Variants in MAL2 observed in about 807,000 individuals in gnomAD.
The protein encoded by MAL2 is protein MAL2.
In MAL2, 17 loss-of-function variants were observed where a neutral mutation model predicts 18.1. The observed-to-expected ratio is 0.94, with a 90% confidence interval of 0.64 to 1.41. MAL2 has a LOEUF of 1.41. Ranked by LOEUF, MAL2 falls within the 40% of genes most tolerant of loss-of-function variation. The probability of loss-of-function intolerance (pLI) is 0.00; values close to 1 mark genes in which losing one functional copy is unlikely to be tolerated. For missense variants in MAL2, 222 were observed against 231.9 expected (o/e 0.96, Z 0.28); for synonymous variants, 102 against 102.3 (o/e 1.00, Z 0.02).
chr8:119,212,803 G>C (rs1006327374), intron 1 of MAL2, among the ~76,000 whole-genome samples: 1 of 152,208 alleles, frequency 6.6e-6, no homozygotes, highest in Non-Finnish European at 1.5e-5. Flanking sequence ...CGTTCTGTCA[G>C]TTGTGAGATT....
chr8:119,215,562 G>A (rs901381143), intron 1 of MAL2: 5 of 152,340 alleles, frequency 3.3e-5, no homozygotes, highest in Middle Eastern at 3.4e-3. Context: ...TGTAATTGCT[G>A]TGGAGAATAC....
rs938406884 is a variant in MAL2, at chr8:119,221,523, G to A, written c.133-64G>A. On this transcript the variant is annotated intron_variant, in intron 1 of 3. Transcript: ENST00000614891. The stretch of plus-strand genomic sequence containing the variant: ...GCAATGCTGAGGGTAATACAAGCAT[G>A]TTTAATTCTGTTGTGTGAAAGGTAT... 1.8e-5 allele frequency: 29 copies of A among 1,587,816 alleles called. No homozygotes were observed. The East Asian group carries it at 5.8e-4, about 32-fold the overall frequency.
chr8:119,231,406 T>C (rs11985660), intron 2 of MAL2, among the ~76,000 whole-genome samples: 2,176 of 152,330 alleles, frequency 0.014, 60 homozygotes, highest in African/African-American at 0.05. Context: ...ATGCTCTCCT[T>C]TGTAATATTG....
At chr8:119,236,759 A>G (rs910371005) in intron 2 of MAL2, among the ~76,000 whole-genome samples, 2 of 150,894 alleles carry the variant, frequency 1.3e-5, no homozygotes, top group Non-Finnish European at 2.9e-5. Flanking sequence ...ACAAAGACAC[A>G]ACATAGCAGA....
intron 2 of MAL2, among the ~76,000 whole-genome samples, chr8:119,222,669 A>C (rs1266709457): frequency 6.6e-6 from 1 of 151,936 alleles, no homozygotes; most frequent in Non-Finnish European, 1.5e-5. Flanking sequence ...CTCTACAAAA[A>C]CTACAAAAAA....
intron 2 of MAL2, among the ~76,000 whole-genome samples, chr8:119,235,451 C>G (rs1817862836): frequency 6.6e-6 from 1 of 151,896 alleles, no homozygotes; most frequent in Non-Finnish European, 1.5e-5. Flanking sequence ...CAGAGAATGC[C>G]ACAAAGATAC....
intron 2 of MAL2, among the ~76,000 whole-genome samples, chr8:119,228,195 A>T (rs1302249621): frequency 6.6e-6 from 1 of 151,796 alleles, no homozygotes; most frequent in East Asian, 1.9e-4. Context: ...CAAGATGGTA[A>T]CTCCTCTTCC....
chr8:119,221,498 G>C, intron 1 of MAL2, 89 bp from the exon 2 acceptor site: 1 of 1,489,786 alleles, frequency 6.7e-7, no homozygotes, highest in Middle Eastern at 1.8e-4. Flanking sequence ...GAAAATGAAG[G>C]CAATGCTGAG....
At chr8:119,223,072 TTTATA>T (rs1170205998) in intron 2 of MAL2, among the ~76,000 whole-genome samples, 1 of 152,204 alleles carries the variant, frequency 6.6e-6, no homozygotes, top group Non-Finnish European at 1.5e-5. Context: ...TCAGTCAGGC[TTTATA>T]TATATTCCTT....
At chr8:119,214,300 C>T (rs1361089659) in intron 1 of MAL2, among the ~76,000 whole-genome samples, 1 of 152,100 alleles carries the variant, frequency 6.6e-6, no homozygotes. Context: ...TAAATCTTGC[C>T]CAACATGTAA....
Position 119,208,602 on chromosome 8 carries a change from A to T in MAL2, c.130A>T (p.Ile44Phe). The stretch of plus-strand genomic sequence containing the variant: ...CTCGGGCGCCTTCGTCTGCCTGGAG[A>T]TTGTAAGTGGGGCCGCCGGAGCGAG... ...TYSGAFVCLE[I>F]LFGGLVWILV... Residue 44 changes from isoleucine to phenylalanine, a missense_variant and splice_region_variant, in exon 1 of 4, where the codon ATT (isoleucine) becomes TTT (phenylalanine). By Grantham distance (21) the Ile-to-Phe change is conservative. Coordinates refer to ENST00000614891, the MANE Select transcript of MAL2 (RefSeq NM_052886.3). This position sits in a 1 kb window ranked among gnomAD's most constrained non-coding sequence, Gnocchi z 4.3. 1.5e-6 allele frequency: 2 copies of T among 1,341,458 alleles called. No individual in the cohort carries two copies. Among genetic ancestry groups the T allele is most frequent in the Non-Finnish European group, 1.9e-6 (2 of 1,043,972 alleles). The allele number at this position is 1,341,458 out of a possible 1,614,324, so 83.1% of individuals were successfully genotyped here. A position where few individuals can be genotyped will look rare whatever the true frequency, so the allele number is the denominator to read the frequency against.
chr8:119,232,777 G>A (rs1049806660), intron 2 of MAL2, among the ~76,000 whole-genome samples: 7 of 152,054 alleles, frequency 4.6e-5, no homozygotes, highest in African/African-American at 1.4e-4. Context: ...TTTAAAGACA[G>A]CATATGTTAT....
At chr8:119,214,660 G>C (rs12677951) in intron 1 of MAL2, among the ~76,000 whole-genome samples, 31,856 of 152,126 alleles carry the variant, frequency 0.21, 4,128 homozygotes, top group East Asian at 0.57. Context: ...TCCATTTTAG[G>C]GTCGGTGTCA....
intron 2 of MAL2, among the ~76,000 whole-genome samples, chr8:119,225,706 C>T (rs1368675960): frequency 6.6e-6 from 1 of 152,160 alleles, no homozygotes; most frequent in African/African-American, 2.4e-5. Context: ...CTGACTTCCA[C>T]AATGGTTGAA....
intron 2 of MAL2, among the ~76,000 whole-genome samples, chr8:119,231,022 G>A (rs2470041): frequency 0.85 from 129,200 of 151,178 alleles, 57,184 homozygotes; most frequent in Non-Finnish European, 0.97. Context: ...TGTGAGAACA[G>A]TTTTTTTTTT....
chr8:119,237,388 C>G (rs200780179), intron 2 of MAL2, among the ~76,000 whole-genome samples: 2 of 150,228 alleles, frequency 1.3e-5, no homozygotes, highest in African/African-American at 5.0e-5. Context: ...ATTCCTTCTG[C>G]AACTATTCCA....
chr8:119,233,200 A>C (rs1437862083), intron 2 of MAL2, among the ~76,000 whole-genome samples: 2 of 152,208 alleles, frequency 1.3e-5, no homozygotes, highest in Non-Finnish European at 2.9e-5. Flanking sequence ...TATAACACTA[A>C]ATGCCCACAA....
At chr8:119,241,285 T>C (rs185779674) in intron 3 of MAL2, among the ~76,000 whole-genome samples, 2,090 of 152,216 alleles carry the variant, frequency 0.014, 47 homozygotes, top group African/African-American at 0.048. Context: ...CCCAGCACAT[T>C]GGTAGGCCGA....
At chr8:119,228,518 C>G (rs993065845) in intron 2 of MAL2, among the ~76,000 whole-genome samples, 3 of 152,112 alleles carry the variant, frequency 2.0e-5, no homozygotes, top group Non-Finnish European at 4.4e-5. Context: ...TCCTCACAGA[C>G]TAGTGCCTCC....
Sources: allele counts gnomAD v4.1 joint callset (sites outside exome capture counted in the v4.1 genomes callset), GRCh38; gene constraint gnomAD v4.1.1; non-coding constraint Gnocchi (gnomAD v3.1); transcripts MANE v1.5; gene names NCBI Gene and HGNC (gene_info 2026-07-23, HGNC 2026-07-21).